PTPRD: variants seen among roughly 807,000 people sequenced by gnomAD.
PTPRD encodes the protein protein tyrosine phosphatase receptor type D.
In PTPRD, 34 loss-of-function variants were observed where a neutral mutation model predicts 214.5. That is an observed-to-expected ratio of 0.16 (90% CI 0.12 to 0.21). The LOEUF (loss-of-function observed/expected upper bound fraction) is 0.21, where lower values mean the gene tolerates loss of function less well. PTPRD is among the 10% of genes least tolerant of loss of function. The pLI, the probability that PTPRD is intolerant of heterozygous loss-of-function variation, is 1.00. For synonymous variants in PTPRD, 1,128 were observed against 845.7 expected (o/e 1.33, Z -5.79); for missense variants, 2,545 against 2,398.7 (o/e 1.06, Z -1.27).
At chr9:9,185,013 T>G (rs2099930469) in intron 9 of PTPRD, among the ~76,000 whole-genome samples, 1 of 152,042 alleles carries the variant, frequency 6.6e-6, no homozygotes, top group African/African-American at 2.4e-5. Flanking sequence ...GCAAAACTGT[T>G]CTTATAGGCC....
intron 2 of PTPRD, among the ~76,000 whole-genome samples, chr9:10,342,596 G>C (rs1441192223): frequency 6.6e-6 from 1 of 151,946 alleles, no homozygotes; most frequent in Non-Finnish European, 1.5e-5. Flanking sequence ...TCAAAGTATT[G>C]TCCTCAAATG....
chr9:9,555,126 G>A lies in PTPRD; in HGVS notation c.-237+19606C>T, dbSNP rs539621615. Among the ~76,000 whole-genome samples the A allele has an allele frequency of 1.4e-4, 22 of 152,158 alleles. No individual in the cohort carries two copies. The South Asian group carries it at 3.1e-3, about 21-fold the overall frequency. ...TTCAGAGTTTTGAGCATGGACTTTA[G>A]AAGACTGTGTTTGTAATACTGCCAA... On this transcript the variant is annotated intron_variant, in intron 8 of 45. Transcript: ENST00000381196.
chr9:8,866,064 T>G (rs536337006), intron 11 of PTPRD, among the ~76,000 whole-genome samples: 1 of 152,310 alleles, frequency 6.6e-6, no homozygotes, highest in East Asian at 1.9e-4. Flanking sequence ...AGAGCATTCA[T>G]TTGCCTGTAA....
At chr9:9,971,027 A>G (rs945780708) in intron 4 of PTPRD, among the ~76,000 whole-genome samples, 7 of 152,210 alleles carry the variant, frequency 4.6e-5, no homozygotes, top group Non-Finnish European at 8.8e-5. Context: ...TTTATTTAGA[A>G]TATCTGAAAT....
intron 3 of PTPRD, among the ~76,000 whole-genome samples, chr9:10,093,739 T>G (rs2098455721): frequency 6.6e-6 from 1 of 151,436 alleles, no homozygotes; most frequent in Non-Finnish European, 1.5e-5. Flanking sequence ...TGATACATCT[T>G]GGAATACTAT....
chr9:9,819,505 TA>T (rs1404976738), intron 5 of PTPRD, among the ~76,000 whole-genome samples: 2 of 152,310 alleles, frequency 1.3e-5, no homozygotes, highest in Middle Eastern at 3.4e-3. Context: ...TTTATTGAAA[TA>T]ACTTTTTTCA....
At chr9:9,011,120 T>C (rs1244569593) in intron 11 of PTPRD, among the ~76,000 whole-genome samples, 1 of 152,108 alleles carries the variant, frequency 6.6e-6, no homozygotes, top group African/African-American at 2.4e-5. Flanking sequence ...GTGGCAATTC[T>C]AGTCTGTAGG....
At chr9:9,224,085 A>T (rs183837348) in intron 9 of PTPRD, among the ~76,000 whole-genome samples, 2 of 152,108 alleles carry the variant, frequency 1.3e-5, no homozygotes, top group Non-Finnish European at 2.9e-5. Flanking sequence ...GACTACTCAA[A>T]GATTAACTTT....
intron 8 of PTPRD, among the ~76,000 whole-genome samples, chr9:9,569,742 G>A (rs115676996): frequency 6.6e-6 from 1 of 151,602 alleles, no homozygotes; most frequent in African/African-American, 2.4e-5. Flanking sequence ...CTGACATGTC[G>A]GGAACGGGGG....
chr9:9,445,688 G>C (rs938718073), intron 8 of PTPRD, among the ~76,000 whole-genome samples: 1 of 152,070 alleles, frequency 6.6e-6, no homozygotes, highest in African/African-American at 2.4e-5. Flanking sequence ...GCGGCATGGG[G>C]TAAATGCCCC....
At chr9:8,493,411 T>A (rs544533363) in intron 26 of PTPRD, among the ~76,000 whole-genome samples, 2 of 152,276 alleles carry the variant, frequency 1.3e-5, no homozygotes, top group East Asian at 3.9e-4. Flanking sequence ...AAGCATTCCA[T>A]TAAAGAGTGA....
At chr9:8,366,110 C>T (rs867436409) in intron 39 of PTPRD, among the ~76,000 whole-genome samples, 1 of 151,990 alleles carries the variant, frequency 6.6e-6, no homozygotes, top group African/African-American at 2.4e-5. Flanking sequence ...TGCTCAACAC[C>T]AAAACAAATG....
intron 2 of PTPRD, among the ~76,000 whole-genome samples, chr9:10,553,954 A>AT (rs968344140): frequency 6.6e-6 from 1 of 152,030 alleles, no homozygotes; most frequent in African/African-American, 2.4e-5. Flanking sequence ...GCTGTTTTTA[A>AT]TTTTTTCTAC....
chr9:8,628,873 G>T (rs533874748), intron 14 of PTPRD, among the ~76,000 whole-genome samples: 2 of 151,828 alleles, frequency 1.3e-5, no homozygotes, highest in South Asian at 4.1e-4. Context: ...TGGTAAACTA[G>T]CATGTTTAGA....
chr9:9,649,556 GC>G (rs1225622800), intron 7 of PTPRD, among the ~76,000 whole-genome samples: 1 of 151,906 alleles, frequency 6.6e-6, no homozygotes, highest in Non-Finnish European at 1.5e-5. Context: ...GAAATAAAAG[GC>G]AAAATGTATA....
chr9:9,013,643 T>G (rs1036893982), intron 11 of PTPRD, among the ~76,000 whole-genome samples: 9 of 152,128 alleles, frequency 5.9e-5, no homozygotes, highest in African/African-American at 1.9e-4. Context: ...GTTAATTAAC[T>G]ATAATGACCA....
intron 2 of PTPRD, among the ~76,000 whole-genome samples, chr9:10,546,250 G>C (rs149326662): frequency 5.6e-4 from 85 of 151,986 alleles, no homozygotes; most frequent in African/African-American, 2.0e-3. Flanking sequence ...GCTGTTCTTA[G>C]TTTGAGGTTA....
At chr9:8,952,399 C>A (rs1419234187) in intron 11 of PTPRD, among the ~76,000 whole-genome samples, 1 of 151,922 alleles carries the variant, frequency 6.6e-6, no homozygotes, top group East Asian at 1.9e-4. Flanking sequence ...GGCAATTTTT[C>A]TTGAATTAGC....
chr9:10,511,526 C>T (rs1589771861), intron 2 of PTPRD, among the ~76,000 whole-genome samples: 1 of 151,496 alleles, frequency 6.6e-6, no homozygotes, highest in East Asian at 1.9e-4. Context: ...GCCTCAGCCT[C>T]CTGAGTAGCT....
Sources: gnomAD v4.1 joint callset for allele counts (sites outside exome capture counted in the v4.1 genomes callset) on GRCh38, gnomAD v4.1.1 for gene constraint, MANE v1.5 for transcripts, NCBI Gene and HGNC (gene_info 2026-07-23, HGNC 2026-07-21) for gene names.